VPS35L: variants seen among roughly 807,000 people sequenced by gnomAD.
VPS35L encodes the protein VPS35 endosomal protein sorting factor like, also known as VPS35 endosomal protein-sorting factor-like.
Under a neutral mutation model 133.0 loss-of-function variants are expected in VPS35L, and 83 were observed. That is an observed-to-expected ratio of 0.62 (90% CI 0.52 to 0.75). VPS35L has a LOEUF of 0.75. Ranked by LOEUF, VPS35L falls within the 30% of genes least tolerant of loss-of-function variation. VPS35L has a pLI of 0.00. For missense variants in VPS35L, 1,083 were observed against 1,206.8 expected (o/e 0.90, Z 1.52); for synonymous variants, 423 against 449.9 (o/e 0.94, Z 0.76).
At chr16:19,595,871 C>T (rs1972199044) in intron 8 of VPS35L, among the ~76,000 whole-genome samples, 2 of 152,140 alleles carry the variant, frequency 1.3e-5, no homozygotes, top group Admixed American at 6.5e-5. Flanking sequence ...CCCGGCCAGG[C>T]GCAGTGGTTC....
chr16:19,636,386 A>G (rs1973624235), intron 19 of VPS35L, among the ~76,000 whole-genome samples: 1 of 152,160 alleles, frequency 6.6e-6, no homozygotes, highest in African/African-American at 2.4e-5. Flanking sequence ...ATAATGAAAT[A>G]TTAAGGGGAA....
In VPS35L at chr16:19,691,705, CA is replaced by C. The variant is rs1975694660; in HGVS notation, c.2646+237del. Among the ~76,000 whole-genome samples, 6 of 152,264 alleles carry C rather than the reference CA, an allele frequency of 3.9e-5. No homozygotes were observed. In the South Asian group the frequency reaches 1.2e-3, roughly 32 times the overall value. ...CCTTCTCGTCATTGAAATCTCAGCT[CA>C]AAGGACCTCCTCAGGCCTTCCCGGA... On this transcript the variant is annotated intron_variant, in intron 29 of 30. Coordinates refer to ENST00000417362, the MANE Select transcript of VPS35L (RefSeq NM_020314.7).
At chr16:19,570,823 A>G (rs1269658612) in intron 3 of VPS35L, among the ~76,000 whole-genome samples, 2 of 123,662 alleles carry the variant, frequency 1.6e-5, no homozygotes, top group African/African-American at 5.6e-5. Flanking sequence ...TCATCATCCT[A>G]TGCTGTGTTT....
chr16:19,697,998 G>A (rs60014077), intron 29 of VPS35L, among the ~76,000 whole-genome samples: 3,111 of 152,266 alleles, frequency 0.02, 110 homozygotes, highest in African/African-American at 0.07. Context: ...ACCATAACCC[G>A]TTGCCACAAA....
At chr16:19,658,459 G>A (rs1974374184) in intron 26 of VPS35L, among the ~76,000 whole-genome samples, 1 of 152,136 alleles carries the variant, frequency 6.6e-6, no homozygotes. Context: ...GAGCCTGGAG[G>A]GCAGAGGTTG....
At chr16:19,630,890 TCC>T (rs1973435009) in intron 18 of VPS35L, among the ~76,000 whole-genome samples, 2 of 152,076 alleles carry the variant, frequency 1.3e-5, no homozygotes, top group Non-Finnish European at 2.9e-5. Flanking sequence ...CTGCCTGTAG[TCC>T]TAGCTACCCA....
intron 19 of VPS35L, among the ~76,000 whole-genome samples, chr16:19,637,342 CT>C (rs1292448985): frequency 1.3e-5 from 2 of 152,158 alleles, no homozygotes; most frequent in Admixed American, 1.3e-4. Context: ...GACTCAGTTA[CT>C]TCCCCAGGAC....
chr16:19,653,939 G>A (rs1160184836), intron 26 of VPS35L, among the ~76,000 whole-genome samples: 3 of 152,244 alleles, frequency 2.0e-5, no homozygotes, highest in African/African-American at 7.2e-5. Context: ...GAGTGCAGCT[G>A]AACACTTGCC....
In VPS35L at chr16:19,652,049, A is replaced by T. The variant is rs139837931; in HGVS notation, c.2180A>T (p.His727Leu). 5.0e-6 allele frequency: 8 copies of T among 1,612,568 alleles called. No individual in the cohort carries two copies. The African/African-American group carries it at 8.0e-5, about 16-fold the overall frequency. ...GIFTRLNLYL[H>L]SGQVALANQC... ...TTCACACGTCTCAATCTCTACCTGC[A>T]TTCTGGTCAGGTGGCCTTGGCCAAC... The change falls in exon 26 of 31, where the codon CAT (histidine) becomes CTT (leucine). Residue 727 changes from histidine to leucine, a missense_variant. Physicochemically the swap from His to Leu is moderately conservative, Grantham distance 99. Transcript: ENST00000417362.
Position 19,655,300 on chromosome 16 carries a change from C to G in VPS35L, c.2221+3210C>G, listed in dbSNP as rs187718717. 1.5e-3 allele frequency among the ~76,000 whole-genome samples: 224 copies of G among 152,296 alleles called. 1 individual carries two copies. Among genetic ancestry groups the G allele is most frequent in the East Asian group, 3.9e-4 (2 of 5,186 alleles). On this transcript the variant is annotated intron_variant, in intron 26 of 30. Transcript: ENST00000417362. ...TGCTGTGGCGCTAAACCTTAAAAGC[C>G]TATTATTTTTCTCCTGAAAGCCACA... is the stretch of plus-strand genomic sequence containing the variant.
chr16:19,650,550 G>A, intron 25 of VPS35L, 91 bp downstream of exon 25: 1 of 1,057,102 alleles, frequency 9.5e-7, no homozygotes. Flanking sequence ...AGAAAAAGAT[G>A]AGTATGTCAT....
rs1389876353 is a variant in VPS35L at position 19,633,282 on chromosome 16, A to G, written c.1635+110A>G. 9.1e-6 allele frequency: 9 copies of G among 993,460 alleles called. No homozygotes were observed. In the Admixed American group the frequency reaches 1.6e-4, roughly 18 times the overall value. The allele number at this position is 993,460 out of a possible 1,614,324, so 61.5% of individuals were successfully genotyped here. A position where few individuals can be genotyped will look rare whatever the true frequency, so the allele number is the denominator to read the frequency against. On this transcript the variant is annotated intron_variant, in intron 19 of 30. Transcript: ENST00000417362. The surrounding 1 kb of genome is among the most constrained non-coding windows in gnomAD (Gnocchi z 4.1). Reference sequence around the variant, plus strand: ...TAAAGGCACATAATCCTGTGTTTGAATCATAGCTCTGCCATATCCTAGCCA... The same window carrying G: ...TAAAGGCACATAATCCTGTGTTTGAGTCATAGCTCTGCCATATCCTAGCCA...
Position 19,573,250 on chromosome 16 carries a change from C to T in VPS35L, c.408+9C>T, listed in dbSNP as rs201379369. 36 of 1,612,666 alleles carry T rather than the reference C, an allele frequency of 2.2e-5. No individual in the cohort carries two copies. Among genetic ancestry groups the T allele is most frequent in the Non-Finnish European group, 2.9e-5 (34 of 1,179,284 alleles). ...CCGAAAAGCTGTCTATTGTGAGTAC[C>T]AGGAGACCCTCTCCAGAGTCTACTT... On this transcript the variant is annotated intron_variant, in intron 4 of 30. Transcript: ENST00000417362.
At chr16:19,598,673 A>G (rs1244461387) in intron 8 of VPS35L, among the ~76,000 whole-genome samples, 1 of 151,832 alleles carries the variant, frequency 6.6e-6, no homozygotes, top group Non-Finnish European at 1.5e-5. Context: ...GGTCCCAGCT[A>G]CTCAGGAGGC....
intron 18 of VPS35L, among the ~76,000 whole-genome samples, chr16:19,630,861 T>C (rs76423168): frequency 6.6e-6 from 1 of 151,404 alleles, no homozygotes; most frequent in African/African-American, 2.4e-5. Context: ...AAAAAAAAAT[T>C]AGGTGGGTAT....
At chr16:19,558,561 T>C (rs576269246) in intron 1 of VPS35L, among the ~76,000 whole-genome samples, 9 of 152,230 alleles carry the variant, frequency 5.9e-5, no homozygotes, top group South Asian at 4.1e-4. Flanking sequence ...GGCTAGGAGA[T>C]GAGATGTCCT....
Position 19,650,520 on chromosome 16 carries a change from G to A in VPS35L, c.2106+61G>A, listed in dbSNP as rs1040932021. ...CTCCAGTGGGCTGTTTAGTTTGCAG[G>A]TTACTAAATTACATTTCCCAGAAAA... On this transcript the variant is annotated intron_variant, in intron 25 of 30. Transcript: ENST00000417362. The A allele has an allele frequency of 3.5e-5, 46 of 1,305,116 alleles. No homozygotes were observed. In the African/African-American group the frequency reaches 5.7e-4, roughly 16 times the overall value. 80.8% of individuals were successfully genotyped at this position (1,305,116 alleles called of 1,614,324 possible). A position where few individuals can be genotyped will look rare whatever the true frequency, so the allele number is the denominator to read the frequency against.
chr16:19,619,827 G>A (rs1230881143), intron 14 of VPS35L, among the ~76,000 whole-genome samples: 1 of 152,192 alleles, frequency 6.6e-6, no homozygotes, highest in East Asian at 1.9e-4. Context: ...AAGAATTGAT[G>A]TCGGTATGGA....
chr16:19,584,146 A>C (rs111386520), intron 7 of VPS35L, among the ~76,000 whole-genome samples: 2 of 152,318 alleles, frequency 1.3e-5, no homozygotes, highest in African/African-American at 4.8e-5. Flanking sequence ...GCTATTGTGA[A>C]TAGTGCTGCA....
Sources: gnomAD v4.1 joint callset for allele counts (sites outside exome capture counted in the v4.1 genomes callset) on GRCh38, gnomAD v4.1.1 for gene constraint, Gnocchi (gnomAD v3.1) non-coding constraint, MANE v1.5 for transcripts, NCBI Gene and HGNC (gene_info 2026-07-23, HGNC 2026-07-21) for gene names.